Variants in ARHGAP15 observed in about 807,000 individuals in gnomAD.
The protein encoded by ARHGAP15 is rho GTPase-activating protein 15.
In ARHGAP15, 51 loss-of-function variants were observed where a neutral mutation model predicts 63.7. That is an observed-to-expected ratio of 0.80 (90% confidence interval 0.64 to 1.01). The LOEUF is 1.01. Ranked by LOEUF, ARHGAP15 falls within the 50% of genes least tolerant of loss-of-function variation. The probability of loss-of-function intolerance (pLI) is 0.00; values close to 1 mark genes in which losing one functional copy is unlikely to be tolerated. For synonymous variants in ARHGAP15, 191 were observed against 193.8 expected (o/e 0.99, Z 0.12); for missense variants, 560 against 564.6 (o/e 0.99, Z 0.08).
chr2:143,208,336 A>G (rs1430980062), intron 3 of ARHGAP15, among the ~76,000 whole-genome samples: 1 of 152,204 alleles, frequency 6.6e-6, no homozygotes, highest in Non-Finnish European at 1.5e-5. Flanking sequence ...ACTTTATAAA[A>G]TGAAATCTGC....
chr2:143,206,757 G>A (rs1206518167), intron 3 of ARHGAP15, among the ~76,000 whole-genome samples: 1 of 151,876 alleles, frequency 6.6e-6, no homozygotes, highest in Non-Finnish European at 1.5e-5. Flanking sequence ...TTATTTGTTT[G>A]GTTTTATTTT....
intron 11 of ARHGAP15, among the ~76,000 whole-genome samples, chr2:143,580,730 A>G (rs1696867204): frequency 6.6e-6 from 1 of 152,068 alleles, no homozygotes. Context: ...CATTACAAAT[A>G]TATTGGTACA....
chr2:143,429,220 G>GT (rs67580605), intron 6 of ARHGAP15, among the ~76,000 whole-genome samples: 4,569 of 131,848 alleles, frequency 0.035, 86 homozygotes, highest in South Asian at 0.063. Flanking sequence ...GAACATGAGG[G>GT]TTTTTTTTTT....
At chr2:143,405,772 T>C (rs1021447212) in intron 6 of ARHGAP15, among the ~76,000 whole-genome samples, 7 of 151,896 alleles carry the variant, frequency 4.6e-5, no homozygotes, top group Non-Finnish European at 1.0e-4. Context: ...GCTTCATTTC[T>C]ACCAGGACCC....
chr2:143,758,198 A>G (rs145272623), intron 13 of ARHGAP15, among the ~76,000 whole-genome samples: 2,714 of 151,888 alleles, frequency 0.018, 87 homozygotes, highest in African/African-American at 0.062. Context: ...TTAAGGGGGG[A>G]AAAGCAAATT....
chr2:143,611,560 C>T (rs751058247), intron 11 of ARHGAP15, among the ~76,000 whole-genome samples: 30 of 151,462 alleles, frequency 2.0e-4, no homozygotes, highest in Admixed American at 3.9e-4. Context: ...ATGGTCTTGT[C>T]GTCTTTGTTG....
intron 11 of ARHGAP15, among the ~76,000 whole-genome samples, chr2:143,583,014 G>A (rs1440357560): frequency 6.6e-6 from 1 of 151,880 alleles, no homozygotes; most frequent in Admixed American, 6.6e-5. Flanking sequence ...GTGTGGAAAG[G>A]GAGAGATGAG....
chr2:143,541,455 G>T (rs926627746), intron 10 of ARHGAP15, among the ~76,000 whole-genome samples: 2 of 152,154 alleles, frequency 1.3e-5, no homozygotes, highest in Non-Finnish European at 2.9e-5. Flanking sequence ...GAGGAGCTCT[G>T]ATTTTTAGAG....
At chr2:143,278,808 A>C (rs1681699107) in intron 6 of ARHGAP15, among the ~76,000 whole-genome samples, 1 of 151,468 alleles carries the variant, frequency 6.6e-6, no homozygotes, top group African/African-American at 2.4e-5. Context: ...TCATAGTCAC[A>C]TTTTGAGATA....
At chr2:143,217,569 A>G (rs774710339) in intron 4 of ARHGAP15, among the ~76,000 whole-genome samples, 2 of 152,172 alleles carry the variant, frequency 1.3e-5, no homozygotes, top group Non-Finnish European at 2.9e-5. Context: ...AGGTTGCTTT[A>G]AGAGATGTGG....
chr2:143,173,888 A>G (rs959884507), intron 2 of ARHGAP15, among the ~76,000 whole-genome samples: 3 of 152,152 alleles, frequency 2.0e-5, no homozygotes, highest in African/African-American at 7.2e-5. Context: ...ATCCCACAAG[A>G]AACGTTATAG....
intron 6 of ARHGAP15, among the ~76,000 whole-genome samples, chr2:143,331,084 A>C (rs1173415288): frequency 6.6e-6 from 1 of 152,226 alleles, no homozygotes; most frequent in Admixed American, 6.5e-5. Flanking sequence ...AGAGGTGGCT[A>C]GGAAGATCAG....
intron 2 of ARHGAP15, among the ~76,000 whole-genome samples, chr2:143,191,773 A>G (rs1319978830): frequency 1.3e-5 from 2 of 152,206 alleles, no homozygotes; most frequent in Non-Finnish European, 2.9e-5. Context: ...TTAGCTTCAA[A>G]TAATATTTTT....
In ARHGAP15 at chr2:143,413,966, T is replaced by TGTGTGTGTGCGC; in HGVS notation, c.475-21634_475-21633insTGTGTGTGCGCG. ...GTGTGTGTGTGTGTGTGTGTGTGTGTGCGCGCTCTCTGGCAGAAAGTTAAT... is the reference window on the plus strand; with the variant it reads ...GTGTGTGTGTGTGTGTGTGTGTGTGTGTGTGTGTGCGCGCGCGCTCTCTGGCAGAAAGTTAAT... On this transcript the variant is annotated intron_variant, in intron 6 of 13. Coordinates refer to ENST00000295095, the MANE Select transcript of ARHGAP15 (RefSeq NM_018460.4). Among the ~76,000 whole-genome samples, 1,040 of 117,866 alleles carry TGTGTGTGTGCGC rather than the reference T, an allele frequency of 8.8e-3. 15 individuals are homozygous for TGTGTGTGTGCGC. Among genetic ancestry groups the TGTGTGTGTGCGC allele is most frequent in the African/African-American group, 0.035 (974 of 28,192 alleles). 77.3% of individuals were successfully genotyped at this position (117,866 alleles called of 152,430 possible).
Position 143,435,599 on chromosome 2 carries a change from A to G in ARHGAP15, c.475-2A>G, listed in dbSNP as rs867968869. On this transcript the variant is annotated splice_acceptor_variant, in intron 6 of 13. Transcript: ENST00000295095. LOFTEE classifies it high-confidence loss of function. ...TTCTTTTTCTTTTTTTTTTTTTTGC[A>G]GATCACAACAGTATCAGGAAATGAG... The G allele has an allele frequency of 7.8e-7, 1 of 1,281,366 alleles. No individual in the cohort carries two copies. Among genetic ancestry groups the G allele is most frequent in the Non-Finnish European group, 1.0e-6 (1 of 978,724 alleles). The allele number at this position is 1,281,366 out of a possible 1,614,324, so 79.4% of individuals were successfully genotyped here.
chr2:143,610,842 T>C (rs1481493322), intron 11 of ARHGAP15, among the ~76,000 whole-genome samples: 2 of 151,958 alleles, frequency 1.3e-5, no homozygotes, highest in African/African-American at 2.4e-5. Context: ...AATTCTCCTG[T>C]TTCAGCCTCC....
chr2:143,132,975 T>C (rs1260925653), intron 1 of ARHGAP15, among the ~76,000 whole-genome samples: 3 of 152,222 alleles, frequency 2.0e-5, no homozygotes, highest in Non-Finnish European at 4.4e-5. Flanking sequence ...ACTATTATTT[T>C]AATAATTATG....
intron 5 of ARHGAP15, chr2:143,247,382 G>A (rs554625913): frequency 3.1e-4 from 47 of 152,418 alleles, no homozygotes; most frequent in Non-Finnish European, 5.6e-4. Flanking sequence ...TGTCCAGCCT[G>A]GCACCACTGG....
intron 6 of ARHGAP15, among the ~76,000 whole-genome samples, chr2:143,329,188 A>C (rs1684392470): frequency 6.6e-6 from 1 of 152,244 alleles, no homozygotes; most frequent in Non-Finnish European, 1.5e-5. Flanking sequence ...ACTAGGTTAC[A>C]TTATACGGCA....
Sources: allele counts gnomAD v4.1 joint callset (sites outside exome capture counted in the v4.1 genomes callset), GRCh38; gene constraint gnomAD v4.1.1; transcripts MANE v1.5; gene names NCBI Gene and HGNC (gene_info 2026-07-23, HGNC 2026-07-21).